Variants in SLC23A2 observed in about 807,000 individuals in gnomAD.
SLC23A2 encodes Na(+)/L-ascorbic acid transporter 2.
A neutral mutation model predicts 73.3 loss-of-function variants in SLC23A2; 36 were observed. The observed-to-expected ratio is 0.49, with a 90% CI of 0.38 to 0.65. The LOEUF (loss-of-function observed/expected upper bound fraction) is 0.65, where lower values mean the gene tolerates loss of function less well. Ranked by LOEUF, SLC23A2 falls within the 30% of genes least tolerant of loss-of-function variation. The pLI is 0.00. For synonymous variants in SLC23A2, 343 were observed against 327.3 expected, an observed-to-expected ratio of 1.05 and a Z score of -0.52; for missense variants, 507 against 841.6, an observed-to-expected ratio of 0.60 and a Z score of 4.92.
intron 3 of SLC23A2, among the ~76,000 whole-genome samples, chr20:4,919,778 T>G (rs1932444005): frequency 6.6e-6 from 1 of 152,110 alleles, no homozygotes; most frequent in Non-Finnish European, 1.5e-5. Context: ...GACCGTCCTC[T>G]CCCATTCTTT....
At chr20:4,979,593 A>C (rs749027774) in intron 1 of SLC23A2, among the ~76,000 whole-genome samples, 16 of 152,138 alleles carry the variant, frequency 1.1e-4, no homozygotes, top group Non-Finnish European at 2.1e-4. Context: ...AGAGACAATA[A>C]TATTGGAAAA....
At chr20:4,909,543 G>A (rs903088215) in intron 4 of SLC23A2, among the ~76,000 whole-genome samples, 1 of 152,012 alleles carries the variant, frequency 6.6e-6, no homozygotes, top group African/African-American at 2.4e-5. Context: ...GAATCCACAG[G>A]GATCAAGTCA....
At chr20:4,910,218 CA>C (rs199865244) in intron 4 of SLC23A2, among the ~76,000 whole-genome samples, 2 of 150,694 alleles carry the variant, frequency 1.3e-5, no homozygotes, top group Non-Finnish European at 3.0e-5. Context: ...ACTAAAAATA[CA>C]AAAAAAAATT....
chr20:4,958,494 T>C (rs932898813), intron 2 of SLC23A2, among the ~76,000 whole-genome samples: 4 of 152,242 alleles, frequency 2.6e-5, no homozygotes, highest in African/African-American at 9.6e-5. Flanking sequence ...AAAAATTCTA[T>C]GTATTTCTTA....
At chr20:4,966,853 C>T (rs1298074221) in intron 2 of SLC23A2, among the ~76,000 whole-genome samples, 1 of 145,602 alleles carries the variant, frequency 6.9e-6, no homozygotes. Flanking sequence ...CACACACACA[C>T]ACAGGCATGG....
Position 4,999,189 on chromosome 20 carries a change from G to C in SLC23A2, c.-282+2217C>G, listed in dbSNP as rs558471519. ...GTACCAGAATATAGGTCCCCAAATA[G>C]ATCCCTGGTTTGTCTTTAGAGACAC... is the stretch of plus-strand genomic sequence containing the variant. On this transcript the variant is annotated intron_variant, in intron 1 of 16. Coordinates refer to ENST00000338244, the MANE Select transcript of SLC23A2 (RefSeq NM_005116.6). Among the ~76,000 whole-genome samples the C allele has an allele frequency of 1.1e-4, 17 of 152,298 alleles. No homozygotes were observed. The East Asian group carries it at 3.3e-3, about 29-fold the overall frequency.
chr20:4,919,639 T>C (rs185458848), intron 3 of SLC23A2, among the ~76,000 whole-genome samples: 172 of 152,200 alleles, frequency 1.1e-3, no homozygotes, highest in African/African-American at 3.9e-3. Context: ...TGGCACTAGG[T>C]TGGGCACTTC....
chr20:4,975,679 C>G (rs1415145659), intron 1 of SLC23A2, among the ~76,000 whole-genome samples: 1 of 151,230 alleles, frequency 6.6e-6, no homozygotes, highest in African/African-American at 2.4e-5. Context: ...CCGTGCCCCG[C>G]CTGTTTTTTT....
At chr20:4,977,758 C>T (rs1007404990) in intron 1 of SLC23A2, among the ~76,000 whole-genome samples, 1 of 151,808 alleles carries the variant, frequency 6.6e-6, no homozygotes, top group Admixed American at 6.6e-5. Flanking sequence ...AGGCTGGTCT[C>T]GAACTCCTGA....
chr20:4,904,762 C>T (rs918681906), intron 4 of SLC23A2, among the ~76,000 whole-genome samples: 1 of 152,208 alleles, frequency 6.6e-6, no homozygotes, highest in African/African-American at 2.4e-5. Context: ...ACCTGTTATA[C>T]AGTAATGTAA....
At chr20:4,859,264 AGT>A in intron 16 of SLC23A2, 23 bp downstream of exon 16, 1 of 1,345,094 alleles carries the variant, frequency 7.4e-7, no homozygotes, top group Non-Finnish European at 1.0e-6. Flanking sequence ...AAAAAAAAAA[AGT>A]GTGTTTGATA....
chr20:4,899,105 G>A lies in SLC23A2; in HGVS notation c.482+450C>T, dbSNP rs1385270007. On this transcript the variant is annotated intron_variant, in intron 6 of 16. Coordinates refer to ENST00000338244, the MANE Select transcript of SLC23A2 (RefSeq NM_005116.6). This position sits in a 1 kb window ranked among gnomAD's most constrained non-coding sequence, Gnocchi z 4.9. ...GTGCAGCCTGGTGTGTAAAAAGGGA[G>A]GAGAGCTGCAGTGTGGCTCACCCTG... Among the ~76,000 whole-genome samples, 4 of 152,216 alleles carry A rather than the reference G, an allele frequency of 2.6e-5. No individual in the cohort carries two copies. The highest frequency in any genetic ancestry group is 3.9e-4 in the East Asian group (2 of 5,182).
chr20:5,006,078 G>T (rs933909949), upstream of SLC23A2, among the ~76,000 whole-genome samples: 3 of 152,004 alleles, frequency 2.0e-5, no homozygotes, highest in African/African-American at 7.2e-5. Context: ...TAATGATTGA[G>T]CATAATATAT....
chr20:4,940,946 G>A (rs531717634), intron 2 of SLC23A2, among the ~76,000 whole-genome samples: 2 of 152,084 alleles, frequency 1.3e-5, no homozygotes, highest in East Asian at 1.9e-4. Flanking sequence ...GCCTGAGGTC[G>A]GGAGTTCAAG....
At chr20:4,983,893 T>C (rs1600202864) in intron 1 of SLC23A2, among the ~76,000 whole-genome samples, 1 of 147,678 alleles carries the variant, frequency 6.8e-6, no homozygotes, top group Non-Finnish European at 1.5e-5. Flanking sequence ...GAGGCGGAGG[T>C]TGCAGTGAGC....
At chr20:4,928,072 T>C (rs922156581) in intron 3 of SLC23A2, among the ~76,000 whole-genome samples, 30 of 152,292 alleles carry the variant, frequency 2.0e-4, no homozygotes, top group East Asian at 1.7e-3. Flanking sequence ...AGGGTCTTGC[T>C]CTGTCACCAA....
chr20:4,896,730 C>T (rs1304292925), intron 6 of SLC23A2, among the ~76,000 whole-genome samples: 3 of 152,178 alleles, frequency 2.0e-5, no homozygotes, highest in Non-Finnish European at 4.4e-5. Flanking sequence ...GTCACTGATC[C>T]CCTGGGATGG....
chr20:5,005,342 T>C (rs1265107822), upstream of SLC23A2, among the ~76,000 whole-genome samples: 1 of 152,182 alleles, frequency 6.6e-6, no homozygotes, highest in Non-Finnish European at 1.5e-5. Context: ...TTCAGTTGCT[T>C]TTCCTTTTAT....
intron 3 of SLC23A2, among the ~76,000 whole-genome samples, chr20:4,920,991 G>A (rs1331073641): frequency 6.6e-6 from 1 of 152,156 alleles, no homozygotes. Context: ...GAATATAAAT[G>A]GCCAAGGAAT....
Sources: gnomAD v4.1 joint callset for allele counts (sites outside exome capture counted in the v4.1 genomes callset) on GRCh38, gnomAD v4.1.1 for gene constraint, Gnocchi (gnomAD v3.1) non-coding constraint, MANE v1.5 for transcripts, NCBI Gene and HGNC (gene_info 2026-07-23, HGNC 2026-07-21) for gene names.